PHACTR3: variants seen among roughly 807,000 people sequenced by gnomAD.
The protein encoded by PHACTR3 is protein phosphatase 1, regulatory subunit 123.
Under a neutral mutation model 66.8 loss-of-function variants are expected in PHACTR3, and 16 were observed. The ratio of observed to expected loss-of-function variants is 0.24; its 90% CI spans 0.16 to 0.36. The LOEUF is 0.36. PHACTR3 is among the 10% of genes least tolerant of loss of function. The pLI is 1.00. For missense variants in PHACTR3, 647 were observed against 719.9 expected, an observed-to-expected ratio of 0.90 and a Z score of 1.16; for synonymous variants, 323 against 292.1, an observed-to-expected ratio of 1.11 and a Z score of -1.08.
chr20:59,661,176 C>T (rs1412222185), intron 1 of PHACTR3, among the ~76,000 whole-genome samples: 1 of 152,144 alleles, frequency 6.6e-6, no homozygotes, highest in African/African-American at 2.4e-5. Flanking sequence ...GCCCGGGTAC[C>T]GTGACTTTGT....
intron 9 of PHACTR3, among the ~76,000 whole-genome samples, chr20:59,838,781 C>A (rs2059009110): frequency 6.6e-6 from 1 of 152,124 alleles, no homozygotes; most frequent in African/African-American, 2.4e-5. Context: ...ATGAGTATAG[C>A]AGTCCTGATT....
At chr20:59,753,215 C>T (rs1462918545) in intron 3 of PHACTR3, among the ~76,000 whole-genome samples, 3 of 152,122 alleles carry the variant, frequency 2.0e-5, no homozygotes, top group East Asian at 3.9e-4. Flanking sequence ...GAGCCCGTCA[C>T]AATGGCCATC....
chr20:59,737,264 G>T (rs902762676), intron 1 of PHACTR3, among the ~76,000 whole-genome samples: 3 of 152,144 alleles, frequency 2.0e-5, no homozygotes, highest in Non-Finnish European at 4.4e-5. Context: ...TGCCCTCGAG[G>T]CTCCCTGAGG....
Position 59,830,214 on chromosome 20 carries a change from G to GAAGAGGGTATGAGTGTCTGATGC in PHACTR3, c.1329-6284_1329-6283insTATGAGTGTCTGATGCAAGAGGG, listed in dbSNP as rs1376026046. On this transcript the variant is annotated intron_variant, in intron 8 of 12. Transcript: ENST00000371015. This position sits in a 1 kb window ranked among gnomAD's most constrained non-coding sequence, Gnocchi z 5.8. ...TGGAAGAGGGTATGAGTGTCTGATA[G>GAAGAGGGTATGAGTGTCTGATGC]AAGAGGGCGTGAGTGTCTGATGGAA... is the stretch of plus-strand genomic sequence containing the variant. Among the ~76,000 whole-genome samples, 7 of 149,710 alleles carry GAAGAGGGTATGAGTGTCTGATGC rather than the reference G, an allele frequency of 4.7e-5. No homozygotes were observed. The highest frequency in any genetic ancestry group is 1.8e-4 in the African/African-American group (7 of 39,178).
Position 59,605,146 on chromosome 20 carries a change from C to CGGGGG in PHACTR3, c.118+15_118+19dup. 3.9e-6 allele frequency: 1 copy of CGGGGG among 254,388 alleles called. No individual in the cohort carries two copies. Among genetic ancestry groups the CGGGGG allele is most frequent in the Non-Finnish European group, 7.1e-6 (1 of 139,896 alleles). 15.8% of individuals were successfully genotyped at this position (254,388 alleles called of 1,614,324 possible). On this transcript the variant is annotated intron_variant, in intron 1 of 12. Transcript: ENST00000371015. ...GGGAGAACCCAGGTAACGGGCTGGG[C>CGGGGG]GGGGGCGGCGGGCGGGTCGGGGAGG...
chr20:59,753,152 T>TA (rs60619458), intron 3 of PHACTR3, among the ~76,000 whole-genome samples: 4,017 of 146,004 alleles, frequency 0.028, 154 homozygotes, highest in African/African-American at 0.091. Context: ...TCATAAAAAT[T>TA]AAAAAAAAAA....
At chr20:59,846,265 G>A (rs2145542079) in intron 12 of PHACTR3, among the ~76,000 whole-genome samples, 1 of 152,302 alleles carries the variant, frequency 6.6e-6, no homozygotes, top group African/African-American at 2.4e-5. Flanking sequence ...TAAGATTAAT[G>A]TGGCTATAGA....
chr20:59,637,651 AT>A (rs1459747346), intron 1 of PHACTR3, among the ~76,000 whole-genome samples: 1 of 151,958 alleles, frequency 6.6e-6, no homozygotes, highest in African/African-American at 2.4e-5. Flanking sequence ...CAAATATGAA[AT>A]GATCCTTAAC....
At chr20:59,679,968 G>C (rs1020794770) in intron 1 of PHACTR3, among the ~76,000 whole-genome samples, 3 of 152,074 alleles carry the variant, frequency 2.0e-5, no homozygotes, top group African/African-American at 7.2e-5. Context: ...CATCGCTTTA[G>C]GGAGTTCTCA....
intron 1 of PHACTR3, among the ~76,000 whole-genome samples, chr20:59,598,309 G>C (rs1034143901): frequency 1.3e-5 from 2 of 152,240 alleles, no homozygotes; most frequent in African/African-American, 2.4e-5. Flanking sequence ...TCTGCTAATG[G>C]TGAAAGCGTA....
At chr20:59,577,758 C>A (rs1196317994) in intron 1 of PHACTR3, 7 of 488,732 alleles carry the variant, frequency 1.4e-5, no homozygotes, top group Non-Finnish European at 1.8e-5. Context: ...CGCCCCCAGC[C>A]ACAGAGGTGG....
intron 1 of PHACTR3, among the ~76,000 whole-genome samples, chr20:59,585,409 T>C (rs1036212174): frequency 6.6e-6 from 1 of 152,116 alleles, no homozygotes; most frequent in Non-Finnish European, 1.5e-5. Flanking sequence ...GGCACGTTTT[T>C]CTTTGCTGGG....
At position 59,610,625 on chromosome 20, in the gene PHACTR3, G is replaced by A. The variant is rs186248354; in HGVS notation, c.118+5493G>A. 1.4e-4 allele frequency among the ~76,000 whole-genome samples: 22 copies of A among 152,332 alleles called. No individual in the cohort carries two copies. The East Asian group carries it at 3.5e-3, about 24-fold the overall frequency. ...AGTTGTAGCCACATTTCAAGTGTGC[G>A]GGAGCCCCATGCAGCTGTGGCTGCC... On this transcript the variant is annotated intron_variant, in intron 1 of 12. Coordinates refer to ENST00000371015, the MANE Select transcript of PHACTR3 (RefSeq NM_080672.5).
intron 1 of PHACTR3, among the ~76,000 whole-genome samples, chr20:59,645,280 A>T (rs2035246306): frequency 6.7e-6 from 1 of 148,402 alleles, no homozygotes; most frequent in African/African-American, 2.5e-5. Context: ...TGAGTCCCCC[A>T]AAGGCAGGGC....
chr20:59,723,591 C>G (rs963590744), intron 1 of PHACTR3, among the ~76,000 whole-genome samples: 4 of 152,008 alleles, frequency 2.6e-5, no homozygotes, highest in African/African-American at 9.7e-5. Flanking sequence ...TGTGTGGACA[C>G]CTGTTTTCAG....
intron 7 of PHACTR3, among the ~76,000 whole-genome samples, chr20:59,794,360 A>G (rs2146964828): frequency 6.6e-6 from 1 of 152,260 alleles, no homozygotes; most frequent in South Asian, 2.1e-4. Context: ...TAATTTTTAC[A>G]TATTGAACCA....
At chr20:59,659,598 C>G (rs2035743854) in intron 1 of PHACTR3, among the ~76,000 whole-genome samples, 1 of 151,968 alleles carries the variant, frequency 6.6e-6, no homozygotes, top group African/African-American at 2.4e-5. Context: ...ATCTGGATCT[C>G]TTGACCTCAT....
chr20:59,824,892 AC>A (rs559301568), intron 8 of PHACTR3, among the ~76,000 whole-genome samples: 4 of 152,070 alleles, frequency 2.6e-5, no homozygotes, highest in Non-Finnish European at 4.4e-5. Flanking sequence ...TGGCACAACC[AC>A]ACACTCCATG....
chr20:59,650,487 C>T (rs1483687821), intron 1 of PHACTR3, among the ~76,000 whole-genome samples: 3 of 151,950 alleles, frequency 2.0e-5, no homozygotes, highest in African/African-American at 7.3e-5. Flanking sequence ...CAAATTAAAA[C>T]AATGAACTAC....
Sources: gnomAD v4.1 joint callset for allele counts (sites outside exome capture counted in the v4.1 genomes callset) on GRCh38, gnomAD v4.1.1 for gene constraint, Gnocchi (gnomAD v3.1) non-coding constraint, MANE v1.5 for transcripts, NCBI Gene and HGNC (gene_info 2026-07-23, HGNC 2026-07-21) for gene names.